Variants in ERC1 observed in about 807,000 individuals in gnomAD.
ERC1 encodes the protein RAB6 interacting protein 2.
ERC1 carries 56 observed loss-of-function variants against 132.0 expected under a neutral mutation model. That is an observed-to-expected ratio of 0.42 (90% CI 0.34 to 0.53). The LOEUF (loss-of-function observed/expected upper bound fraction) is 0.53, where lower values mean the gene tolerates loss of function less well. Among genes scored for constraint, ERC1 ranks in the 20% least tolerant of loss-of-function variants. The pLI is 0.03. For missense variants in ERC1, 1,202 were observed against 1,349.9 expected (o/e 0.89, Z 1.72); for synonymous variants, 478 against 476.1 (o/e 1.00, Z -0.05).
intron 13 of ERC1, among the ~76,000 whole-genome samples, chr12:1,246,245 C>T (rs1400420495): frequency 6.6e-6 from 1 of 151,714 alleles, no homozygotes; most frequent in Non-Finnish European, 1.5e-5. Flanking sequence ...ACCTAATTGC[C>T]TATAGGTGGG....
chr12:1,243,116 A>G (rs1353829974), intron 13 of ERC1, among the ~76,000 whole-genome samples: 6 of 149,226 alleles, frequency 4.0e-5, no homozygotes, highest in Non-Finnish European at 7.4e-5. Context: ...GAACCCGGGA[A>G]GCGGAGCTTG....
chr12:1,129,852 A>G (rs1234963035), intron 7 of ERC1, among the ~76,000 whole-genome samples: 1 of 151,772 alleles, frequency 6.6e-6, no homozygotes, highest in Non-Finnish European at 1.5e-5. Context: ...AAAACAGGAG[A>G]TGAAAAGGCA....
intron 2 of ERC1, among the ~76,000 whole-genome samples, chr12:1,030,221 T>C (rs2154151815): frequency 1.3e-5 from 2 of 152,330 alleles, no homozygotes; most frequent in Middle Eastern, 3.4e-3. Flanking sequence ...GCTACCTCAT[T>C]GTTGGTATTA....
rs147346194 is a variant in ERC1, at chr12:1,450,299, G to A, written c.3213+5549G>A. 6.0e-3 allele frequency among the ~76,000 whole-genome samples: 907 copies of A among 152,154 alleles called. 12 individuals are homozygous for A. The highest frequency in any genetic ancestry group is 0.021 in the African/African-American group (862 of 41,498). On this transcript the variant is annotated intron_variant, in intron 18 of 18. Coordinates refer to ENST00000360905, the MANE Select transcript of ERC1 (RefSeq NM_178040.4). The stretch of plus-strand genomic sequence containing the variant: ...TCTTTTCATCTTGCAGAACTGAAAC[G>A]CCATACCTGTTAAACAGTAACTCCC...
intron 12 of ERC1, among the ~76,000 whole-genome samples, chr12:1,224,865 T>C (rs2074428772): frequency 6.6e-6 from 1 of 151,726 alleles, no homozygotes; most frequent in Non-Finnish European, 1.5e-5. Flanking sequence ...GTGGCATACG[T>C]CTATAGTCCC....
chr12:1,132,001 G>A (rs1948811082), intron 7 of ERC1, among the ~76,000 whole-genome samples: 1 of 152,206 alleles, frequency 6.6e-6, no homozygotes, highest in Admixed American at 6.5e-5. Flanking sequence ...TCAGGGCAAT[G>A]ACTGTGTGTG....
intron 15 of ERC1, among the ~76,000 whole-genome samples, chr12:1,292,873 G>A (rs1460895016): frequency 2.6e-5 from 4 of 151,828 alleles, no homozygotes; most frequent in African/African-American, 9.7e-5. Context: ...TTGGCTGGAC[G>A]TGGTGGCTCA....
At chr12:1,043,014 CTTCTTTTTCT>C (rs1283923877) in intron 2 of ERC1, among the ~76,000 whole-genome samples, 2 of 149,836 alleles carry the variant, frequency 1.3e-5, no homozygotes, top group East Asian at 1.9e-4. Context: ...TACAGAGTAT[CTTCTTTTTCT>C]TTCTTTTTCT....
At chr12:1,090,866 G>GAGA (rs1943079196) in intron 3 of ERC1, among the ~76,000 whole-genome samples, 22 of 26,616 alleles carry the variant, frequency 8.3e-4, no homozygotes, top group South Asian at 1.8e-3. Context: ...TGTTGTTGTT[G>GAGA]TTATTATTAT....
chr12:1,432,832 A>C (rs566281016), intron 17 of ERC1, among the ~76,000 whole-genome samples: 2 of 152,380 alleles, frequency 1.3e-5, no homozygotes, highest in East Asian at 3.9e-4. Flanking sequence ...CAAAGATGTC[A>C]TAGCACATAA....
chr12:1,404,252 C>T (rs1038024960), intron 16 of ERC1, among the ~76,000 whole-genome samples: 5 of 152,116 alleles, frequency 3.3e-5, no homozygotes, highest in African/African-American at 1.2e-4. Flanking sequence ...AAACGGGCTC[C>T]CTCGGGCCTT....
intron 7 of ERC1, among the ~76,000 whole-genome samples, chr12:1,141,172 A>T (rs1456405215): frequency 2.0e-5 from 3 of 152,192 alleles, no homozygotes; most frequent in Non-Finnish European, 4.4e-5. Flanking sequence ...TTGTATGGAT[A>T]TCTAAGTGCA....
intron 12 of ERC1, among the ~76,000 whole-genome samples, chr12:1,225,563 A>G (rs1594356647): frequency 6.6e-6 from 1 of 152,162 alleles, no homozygotes; most frequent in Non-Finnish European, 1.5e-5. Flanking sequence ...ACGACTAAAA[A>G]CACCATAACC....
chr12:1,442,289 C>CA (rs1185253252), intron 17 of ERC1, among the ~76,000 whole-genome samples: 1 of 152,078 alleles, frequency 6.6e-6, no homozygotes, highest in Non-Finnish European at 1.5e-5. Context: ...GTATTGTTTG[C>CA]AAAAAACTAT....
In ERC1 at chr12:1,181,933, A is replaced by G. The variant is rs1309468253; in HGVS notation, c.1884A>G (p.Thr628=). The part of the protein sequence containing the change: ...LEEALAEKER[T]IERLKEQRDR... Reference sequence around the variant, plus strand: ...ATATATTCTCTCATCAGGAGCGGACAATTGAACGCTTAAAGGAGCAGAGGG... The same window carrying G: ...ATATATTCTCTCATCAGGAGCGGACGATTGAACGCTTAAAGGAGCAGAGGG... Residue 628 remains threonine (T), a synonymous_variant, in exon 10 of 19, where the codon ACA becomes ACG. Transcript: ENST00000360905. 4 of 1,613,372 alleles carry G rather than the reference A, an allele frequency of 2.5e-6. No individual in the cohort carries two copies. In the East Asian group the frequency reaches 8.9e-5, roughly 36 times the overall value.
intron 15 of ERC1, among the ~76,000 whole-genome samples, chr12:1,311,385 C>G (rs2081292583): frequency 6.6e-6 from 1 of 152,046 alleles, no homozygotes; most frequent in Non-Finnish European, 1.5e-5. Context: ...TGAGATCAGC[C>G]TTAGTTGATT....
chr12:1,444,844 C>T, intron 18 of ERC1, 94 bp downstream of exon 18: 9 of 1,167,810 alleles, frequency 7.7e-6, no homozygotes, highest in Non-Finnish European at 9.6e-6. Flanking sequence ...AATCCAGTTG[C>T]CGTGTAGTTG....
At chr12:1,304,454 C>G (rs1187390194) in intron 15 of ERC1, among the ~76,000 whole-genome samples, 3 of 152,198 alleles carry the variant, frequency 2.0e-5, no homozygotes, top group Non-Finnish European at 4.4e-5. Flanking sequence ...GATTATCGTT[C>G]TTGGCCTAAT....
intron 16 of ERC1, among the ~76,000 whole-genome samples, chr12:1,389,864 T>G (rs908678446): frequency 6.6e-5 from 10 of 152,256 alleles, no homozygotes; most frequent in Non-Finnish European, 2.9e-5. Context: ...TTAAAAAATC[T>G]GTTTTGCATT....
Sources: gnomAD v4.1 joint callset for allele counts (sites outside exome capture counted in the v4.1 genomes callset) on GRCh38, gnomAD v4.1.1 for gene constraint, MANE v1.5 for transcripts, NCBI Gene and HGNC (gene_info 2026-07-23, HGNC 2026-07-21) for gene names.